Variants in ADTRP observed in about 807,000 individuals in gnomAD.
ADTRP encodes androgen-dependent TFPI-regulating protein.
In ADTRP, 20 loss-of-function variants were observed where a neutral mutation model predicts 27.0. That is an observed-to-expected ratio of 0.74 (90% confidence interval 0.52 to 1.08). The LOEUF (loss-of-function observed/expected upper bound fraction) is 1.08, where lower values mean the gene tolerates loss of function less well. Ranked by LOEUF, ADTRP falls within the 50% of genes least tolerant of loss-of-function variation. The pLI is 0.00. For synonymous variants in ADTRP, 101 were observed against 105.2 expected (o/e 0.96, Z 0.25); for missense variants, 251 against 275.0 (o/e 0.91, Z 0.62).
intron 3 of ADTRP, among the ~76,000 whole-genome samples, 180 bp downstream of exon 3, chr6:11,766,094 T>C (rs113034842): frequency 6.6e-6 from 1 of 152,242 alleles, no homozygotes; most frequent in Non-Finnish European, 1.5e-5. Flanking sequence ...GTAGACTCAC[T>C]GTAATTATAG....
Position 11,778,598 on chromosome 6 carries a change from T to C in ADTRP, c.153+9A>G, listed in dbSNP as rs747442696. The stretch of plus-strand genomic sequence containing the variant: ...TGGATCGGTTCCTGGTACGGACATA[T>C]GGACTTACCAGATTAAGCAGCGTCA... On this transcript the variant is annotated intron_variant, in intron 1 of 5. Transcript: ENST00000414691. 17 of 1,613,742 alleles carry C rather than the reference T, an allele frequency of 1.1e-5. No homozygotes were observed. Among genetic ancestry groups the C allele is most frequent in the Non-Finnish European group, 1.4e-5 (16 of 1,179,826 alleles).
chr6:11,735,721 G>T, intron 3 of ADTRP, 38 bp from the exon 4 acceptor site: 1 of 1,432,670 alleles, frequency 7.0e-7, no homozygotes, highest in Non-Finnish European at 9.8e-7. Context: ...ATGGCAGGGT[G>T]TCCAGGGTGC....
intron 3 of ADTRP, among the ~76,000 whole-genome samples, chr6:11,761,609 G>A (rs1210736427): frequency 6.6e-6 from 1 of 152,080 alleles, no homozygotes; most frequent in Non-Finnish European, 1.5e-5. Context: ...AAGCACATAT[G>A]AGTGATTTTC....
intron 5 of ADTRP, among the ~76,000 whole-genome samples, chr6:11,719,933 G>A (rs1761962565): frequency 6.6e-6 from 1 of 152,152 alleles, no homozygotes; most frequent in South Asian, 2.1e-4. Context: ...TAGATCCTCA[G>A]CAAGTCATCT....
At chr6:11,745,578 G>C (rs1762841902) in intron 3 of ADTRP, among the ~76,000 whole-genome samples, 1 of 152,094 alleles carries the variant, frequency 6.6e-6, no homozygotes, top group Non-Finnish European at 1.5e-5. Context: ...TTAAATCAAA[G>C]AATGAGTTAT....
At chr6:11,763,815 G>A (rs776556039) in intron 3 of ADTRP, among the ~76,000 whole-genome samples, 1 of 152,224 alleles carries the variant, frequency 6.6e-6, no homozygotes, top group African/African-American at 2.4e-5. Context: ...ACAGAGATGA[G>A]ATATACTTAT....
At chr6:11,773,294 C>T (rs1240707560) in intron 1 of ADTRP, among the ~76,000 whole-genome samples, 1 of 152,138 alleles carries the variant, frequency 6.6e-6, no homozygotes, top group Non-Finnish European at 1.5e-5. Context: ...TTACACGATG[C>T]AGGTCAGGTT....
At chr6:11,731,128 C>T (rs942376978) in intron 4 of ADTRP, among the ~76,000 whole-genome samples, 9 of 152,192 alleles carry the variant, frequency 5.9e-5, no homozygotes, top group Admixed American at 5.9e-4. Context: ...GAGCACTCAG[C>T]AGATTATTGG....
At chr6:11,756,253 C>A (rs1022087124) in intron 3 of ADTRP, among the ~76,000 whole-genome samples, 3 of 152,116 alleles carry the variant, frequency 2.0e-5, no homozygotes, top group African/African-American at 7.2e-5. Context: ...GTAAGTCCGG[C>A]TACTTGGGAG....
intron 1 of ADTRP, chr6:11,769,958 T>C (rs768036918): frequency 6.4e-5 from 95 of 1,488,946 alleles, no homozygotes; most frequent in Non-Finnish European, 7.9e-5. Flanking sequence ...TTCATTCTCA[T>C]AACAACCTTA....
intron 3 of ADTRP, among the ~76,000 whole-genome samples, chr6:11,746,081 C>T (rs757753120): frequency 3.3e-5 from 5 of 152,160 alleles, no homozygotes; most frequent in African/African-American, 4.8e-5. Flanking sequence ...TGAGCCACCC[C>T]GCCCGTCCAT....
intron 3 of ADTRP, among the ~76,000 whole-genome samples, chr6:11,742,195 C>T (rs535085045): frequency 6.6e-6 from 1 of 152,180 alleles, no homozygotes; most frequent in Non-Finnish European, 1.5e-5. Context: ...CCTCTGTCCA[C>T]TATCTATACA....
intron 1 of ADTRP, among the ~76,000 whole-genome samples, chr6:11,776,830 CA>C (rs1187092511): frequency 1.3e-5 from 2 of 152,286 alleles, no homozygotes; most frequent in East Asian, 3.9e-4. Context: ...GGGAGTTTGA[CA>C]TTGGGTCCAT....
intron 1 of ADTRP, among the ~76,000 whole-genome samples, chr6:11,772,946 G>A (rs756134131): frequency 2.0e-5 from 3 of 152,228 alleles, no homozygotes; most frequent in Non-Finnish European, 4.4e-5. Flanking sequence ...GGACAGGTTG[G>A]AAAGAAGTAC....
intron 1 of ADTRP, chr6:11,769,984 C>A: frequency 1.9e-6 from 3 of 1,543,050 alleles, no homozygotes; most frequent in Non-Finnish European, 2.6e-6. Flanking sequence ...CAAGTCCTAT[C>A]ATTAGACTCC....
chr6:11,727,672 TTCCCGAGGTAAGC>T (rs1363823592), intron 4 of ADTRP, among the ~76,000 whole-genome samples: 2 of 152,162 alleles, frequency 1.3e-5, no homozygotes, highest in African/African-American at 2.4e-5. Flanking sequence ...TAAAAGAAAG[TTCCCGAGGTAAGC>T]TAATGAATTG....
At chr6:11,726,112 T>C (rs912609290) in intron 4 of ADTRP, among the ~76,000 whole-genome samples, 13 of 152,108 alleles carry the variant, frequency 8.5e-5, no homozygotes, top group African/African-American at 2.9e-4. Flanking sequence ...TTTGAAGACA[T>C]GGTAAGTGAA....
chr6:11,742,173 G>A (rs1762740544), intron 3 of ADTRP, among the ~76,000 whole-genome samples: 1 of 152,062 alleles, frequency 6.6e-6, no homozygotes, highest in Non-Finnish European at 1.5e-5. Flanking sequence ...AACCTTCTGT[G>A]GCTCTCTATT....
At chr6:11,768,173 C>A in intron 2 of ADTRP, 76 bp downstream of exon 2, 1 of 1,561,622 alleles carries the variant, frequency 6.4e-7, no homozygotes, top group Non-Finnish European at 8.7e-7. Context: ...GGCTCCCAAA[C>A]AGCTTGGCTG....
Sources: allele counts gnomAD v4.1 joint callset (sites outside exome capture counted in the v4.1 genomes callset), GRCh38; gene constraint gnomAD v4.1.1; transcripts MANE v1.5; gene names NCBI Gene and HGNC (gene_info 2026-07-23, HGNC 2026-07-21).